RGS6: variants seen among roughly 807,000 people sequenced by gnomAD.
RGS6 encodes the protein regulator of G-protein signaling 6.
A neutral mutation model predicts 78.5 loss-of-function variants in RGS6; 30 were observed. That is an observed-to-expected ratio of 0.38 (90% CI 0.29 to 0.52). RGS6 has a LOEUF of 0.52. Ranked by LOEUF, RGS6 falls within the 20% of genes least tolerant of loss-of-function variation. The pLI is 0.85. For synonymous variants in RGS6, 206 were observed against 206.0 expected (o/e 1.00, Z 0.00); for missense variants, 495 against 609.7 (o/e 0.81, Z 1.98).
intron 10 of RGS6, 73 bp downstream of exon 10, chr14:72,474,772 AATTTG>A: frequency 1.7e-6 from 2 of 1,207,462 alleles, no homozygotes; most frequent in Non-Finnish European, 1.2e-6. Flanking sequence ...TTCAAATAGT[AATTTG>A]CTACTTGTAA....
At chr14:72,253,269 C>T (rs1337802221) in intron 2 of RGS6, among the ~76,000 whole-genome samples, 2 of 152,192 alleles carry the variant, frequency 1.3e-5, no homozygotes, top group East Asian at 3.8e-4. Flanking sequence ...GGAGATAGGG[C>T]AAAACAGAGC....
the RGS6 span, among the ~76,000 whole-genome samples, chr14:71,925,567 G>A: frequency 1.3e-5 from 2 of 151,964 alleles, no homozygotes; most frequent in Admixed American, 6.5e-5. Context: ...TCCATTTTGA[G>A]TTGACTTTTG....
chr14:72,022,147 T>C (rs2088762155), intron 2 of RGS6, among the ~76,000 whole-genome samples: 1 of 152,218 alleles, frequency 6.6e-6, no homozygotes, highest in Non-Finnish European at 1.5e-5. Flanking sequence ...GATATATACG[T>C]ACCACATTTT....
intron 2 of RGS6, among the ~76,000 whole-genome samples, chr14:72,041,786 G>T (rs2092422666): frequency 6.6e-6 from 1 of 152,118 alleles, no homozygotes; most frequent in South Asian, 2.1e-4. Flanking sequence ...TTGTTGGTAA[G>T]TCTGTGGGGG....
the RGS6 span, among the ~76,000 whole-genome samples, chr14:72,588,398 C>T: frequency 1.3e-5 from 2 of 152,150 alleles, no homozygotes; most frequent in African/African-American, 4.8e-5. Context: ...TGCAGGGACT[C>T]ATTGTAAGAG....
At chr14:72,447,191 T>G (rs2095387497) in intron 3 of RGS6, among the ~76,000 whole-genome samples, 1 of 152,210 alleles carries the variant, frequency 6.6e-6, no homozygotes, top group South Asian at 2.1e-4. Context: ...TTGGGATGGA[T>G]GCAACCAGAG....
chr14:72,518,462 C>T lies in RGS6; in HGVS notation c.1203C>T (p.Asn401=). Residue 401 remains asparagine, a synonymous_variant, in exon 15 of 18, where the codon AAC becomes AAT. Transcript: ENST00000553525. The part of the protein sequence containing the change: ...FLAPGAPSAI[N]LDSHSYEITS... Reference sequence around the variant, plus strand: ...CTCCAGGGGCTCCAAGTGCAATCAACCTGGATTCTCACAGCTATGAGATAA... The same window carrying T: ...CTCCAGGGGCTCCAAGTGCAATCAATCTGGATTCTCACAGCTATGAGATAA... 2 of 1,614,202 alleles carry T rather than the reference C, an allele frequency of 1.2e-6. No homozygotes were observed. The highest frequency in any genetic ancestry group is 1.1e-5 in the South Asian group (1 of 91,078).
chr14:72,132,428 G>A (rs1332649303), intron 2 of RGS6, among the ~76,000 whole-genome samples: 5 of 151,922 alleles, frequency 3.3e-5, no homozygotes, highest in South Asian at 2.1e-4. Flanking sequence ...ACAGGCATAC[G>A]CCACCATGCC....
intron 2 of RGS6, among the ~76,000 whole-genome samples, chr14:72,324,160 C>T (rs1359151132): frequency 6.6e-6 from 1 of 151,942 alleles, no homozygotes; most frequent in Admixed American, 6.6e-5. Context: ...ATCCTAACAA[C>T]CAGGAAGCTC....
intron 2 of RGS6, among the ~76,000 whole-genome samples, chr14:72,303,552 C>A (rs2066569805): frequency 6.6e-6 from 1 of 152,076 alleles, no homozygotes; most frequent in Non-Finnish European, 1.5e-5. Flanking sequence ...CTTAGATTCC[C>A]CCATGAGTTT....
chr14:72,216,641 A>C (rs2153781774), intron 2 of RGS6, among the ~76,000 whole-genome samples: 1 of 152,354 alleles, frequency 6.6e-6, no homozygotes, highest in East Asian at 1.9e-4. Context: ...AAAATAATTA[A>C]CATAAGCTCA....
At chr14:72,277,113 T>G (rs2060802683) in intron 2 of RGS6, among the ~76,000 whole-genome samples, 1 of 152,204 alleles carries the variant, frequency 6.6e-6, no homozygotes, top group Non-Finnish European at 1.5e-5. Context: ...GAGTCCACTT[T>G]CTCTCAACAC....
At chr14:72,465,913 CCCCT>C in intron 7 of RGS6, 91 bp downstream of exon 7, 1 of 1,016,398 alleles carries the variant, frequency 9.8e-7, no homozygotes, top group South Asian at 1.5e-5. Flanking sequence ...TTCTTTTGTC[CCCCT>C]TTTGTCCCTT....
Position 72,416,820 on chromosome 14 carries a change from C to T in RGS6, c.185-37708C>T, listed in dbSNP as rs1010832037. Among the ~76,000 whole-genome samples, 12 of 152,184 alleles carry T rather than the reference C, an allele frequency of 7.9e-5. 1 individual carries two copies. Among genetic ancestry groups the T allele is most frequent in the Non-Finnish European group, 2.9e-5 (2 of 68,028 alleles). On this transcript the variant is annotated intron_variant, in intron 3 of 17. Coordinates refer to ENST00000553525, the MANE Select transcript of RGS6 (RefSeq NM_001204424.2). Reference sequence around the variant, plus strand: ...CTAGGTTCAGATACCACCTCTGATGCCAGTTATGTGATTTTGGGCCAGTTT... The same window carrying T: ...CTAGGTTCAGATACCACCTCTGATGTCAGTTATGTGATTTTGGGCCAGTTT...
chr14:71,981,656 G>C (rs1193033892), intron 2 of RGS6, among the ~76,000 whole-genome samples: 1 of 151,834 alleles, frequency 6.6e-6, no homozygotes, highest in Non-Finnish European at 1.5e-5. Context: ...CAGATCTCCA[G>C]CTGCGTGCTG....
intron 2 of RGS6, among the ~76,000 whole-genome samples, chr14:72,145,403 G>T (rs1373250289): frequency 6.6e-6 from 1 of 152,146 alleles, no homozygotes; most frequent in Non-Finnish European, 1.5e-5. Context: ...GAATGAACAA[G>T]GACAGCTTAA....
chr14:71,966,366 A>G (rs773440201), intron 2 of RGS6, among the ~76,000 whole-genome samples: 120 of 152,254 alleles, frequency 7.9e-4, no homozygotes, highest in Non-Finnish European at 1.0e-3. Context: ...GAATGTCTAG[A>G]TAACCCATCT....
At chr14:72,601,934 T>C in the RGS6 span, among the ~76,000 whole-genome samples, 1 of 152,260 alleles carries the variant, frequency 6.6e-6, no homozygotes, top group Non-Finnish European at 1.5e-5. Flanking sequence ...TGAACTCTCA[T>C]AGCACAGTGT....
At chr14:72,072,877 A>G (rs951953889) in intron 2 of RGS6, among the ~76,000 whole-genome samples, 1 of 152,244 alleles carries the variant, frequency 6.6e-6, no homozygotes, top group African/African-American at 2.4e-5. Flanking sequence ...TCGTTCTCCA[A>G]TGTGGCTGCA....
Sources: allele counts gnomAD v4.1 joint callset (sites outside exome capture counted in the v4.1 genomes callset), GRCh38; gene constraint gnomAD v4.1.1; transcripts MANE v1.5; gene names NCBI Gene and HGNC (gene_info 2026-07-23, HGNC 2026-07-21).